Variants in LIPC observed in about 807,000 individuals in gnomAD.
LIPC encodes the protein lipase C, hepatic type, also known as hepatic triacylglycerol lipase.
In LIPC, 44 loss-of-function variants were observed where a neutral mutation model predicts 50.7. The observed-to-expected ratio is 0.87, with a 90% CI of 0.68 to 1.11. The LOEUF is 1.11. LIPC is among the 50% of genes most tolerant of loss of function. The probability of loss-of-function intolerance (pLI) is 0.00; values close to 1 mark genes in which losing one functional copy is unlikely to be tolerated. For synonymous variants in LIPC, 271 were observed against 256.4 expected (o/e 1.06, Z -0.54); for missense variants, 697 against 648.2 (o/e 1.08, Z -0.82).
chr15:58,480,608 T>C (rs11638256), intron 1 of LIPC, among the ~76,000 whole-genome samples: 18,913 of 152,288 alleles, frequency 0.12, 1,324 homozygotes, highest in East Asian at 0.17. Context: ...ATAAGTTTCA[T>C]TTAAAACAAG....
chr15:58,555,898 C>T (rs1216880982), intron 6 of LIPC, among the ~76,000 whole-genome samples: 5 of 152,154 alleles, frequency 3.3e-5, no homozygotes, highest in African/African-American at 1.2e-4. Flanking sequence ...CTCTCTTCTC[C>T]GCCCTGATCT....
intron 8 of LIPC, chr15:58,565,969 C>T: frequency 2.0e-6 from 2 of 984,102 alleles, no homozygotes; most frequent in Non-Finnish European, 2.4e-6. Context: ...ACTCCAGGAC[C>T]TAACCAGGAA....
intron 1 of LIPC, among the ~76,000 whole-genome samples, chr15:58,492,394 A>T (rs1242190930): frequency 1.2e-4 from 18 of 152,208 alleles, no homozygotes; most frequent in Admixed American, 1.2e-3. Flanking sequence ...TAATATAAAC[A>T]CATTATAAAG....
At chr15:58,505,786 G>A (rs188416921) in intron 1 of LIPC, among the ~76,000 whole-genome samples, 101 of 152,232 alleles carry the variant, frequency 6.6e-4, no homozygotes, top group African/African-American at 2.0e-3. Flanking sequence ...GTTCCCACCC[G>A]AGCCAACATT....
At chr15:58,501,585 C>T (rs1891986647) in intron 1 of LIPC, among the ~76,000 whole-genome samples, 1 of 152,042 alleles carries the variant, frequency 6.6e-6, no homozygotes, top group South Asian at 2.1e-4. Flanking sequence ...TAAGAACTTC[C>T]ATCAGCGCTG....
chr15:58,487,073 C>G (rs1207889988), intron 1 of LIPC, among the ~76,000 whole-genome samples: 1 of 152,162 alleles, frequency 6.6e-6, no homozygotes, highest in Admixed American at 6.5e-5. Flanking sequence ...TTTCATGCAA[C>G]CTGGTCCCTA....
intron 6 of LIPC, among the ~76,000 whole-genome samples, chr15:58,558,168 G>T (rs976996830): frequency 1.3e-5 from 2 of 151,942 alleles, no homozygotes; most frequent in Admixed American, 1.3e-4. Flanking sequence ...TGCCTCCTGG[G>T]TTCAAGCAAT....
chr15:58,564,039 C>T (rs1894270035), intron 8 of LIPC: 1 of 419,542 alleles, frequency 2.4e-6, no homozygotes, highest in African/African-American at 2.0e-5. Flanking sequence ...GGTGAATCAC[C>T]AGGTGATGTC....
chr15:58,488,871 T>C (rs371181578), intron 1 of LIPC, among the ~76,000 whole-genome samples: 119 of 152,286 alleles, frequency 7.8e-4, no homozygotes, highest in East Asian at 5.2e-3. Flanking sequence ...CATCTCAGGA[T>C]GGGAGAAAAA....
In LIPC at chr15:58,492,199, C is replaced by T. The variant is rs768292013; in HGVS notation, c.89-46134C>T. 7.2e-4 allele frequency among the ~76,000 whole-genome samples: 110 copies of T among 152,150 alleles called. 3 individuals are homozygous for T. The highest frequency in any genetic ancestry group is 3.2e-3 in the Middle Eastern group (1 of 316). On this transcript the variant is annotated intron_variant, in intron 1 of 8. Transcript: ENST00000299022. ...ACCCTGCCCTCAGTTCCTAGCAGAT[C>T]CTCAACTTGGCCTGCTTTGATGTTT...
intron 8 of LIPC, among the ~76,000 whole-genome samples, chr15:58,568,272 C>A (rs1381390973): frequency 6.6e-6 from 1 of 152,132 alleles, no homozygotes; most frequent in African/African-American, 2.4e-5. Context: ...TGCCAAGGAC[C>A]TTTAAGAACA....
chr15:58,474,834 C>T (rs1343296037), intron 1 of LIPC, among the ~76,000 whole-genome samples: 1 of 152,200 alleles, frequency 6.6e-6, no homozygotes, highest in Non-Finnish European at 1.5e-5. Flanking sequence ...CTCAAAGCTA[C>T]TCCTGCATGG....
At chr15:58,534,705 C>T (rs1221719043) in intron 1 of LIPC, among the ~76,000 whole-genome samples, 3 of 152,126 alleles carry the variant, frequency 2.0e-5, no homozygotes, top group Non-Finnish European at 2.9e-5. Flanking sequence ...TAACTGATCC[C>T]GCTTCCCTCT....
At chr15:58,491,921 GTC>G (rs1891599890) in intron 1 of LIPC, among the ~76,000 whole-genome samples, 2 of 152,188 alleles carry the variant, frequency 1.3e-5, no homozygotes, top group South Asian at 4.1e-4. Context: ...GAGGCTGGAG[GTC>G]TCTCTGCCCA....
chr15:58,515,993 T>C (rs113392249), intron 1 of LIPC, among the ~76,000 whole-genome samples: 1,530 of 152,314 alleles, frequency 0.01, 29 homozygotes, highest in African/African-American at 0.036. Context: ...AATCATCGTC[T>C]GACCACCACA....
chr15:58,514,020 T>C (rs1183158378), intron 1 of LIPC, among the ~76,000 whole-genome samples: 2 of 152,102 alleles, frequency 1.3e-5, no homozygotes, highest in African/African-American at 4.8e-5. Context: ...ATATGATGAG[T>C]GAAGCAATCA....
intron 1 of LIPC, among the ~76,000 whole-genome samples, chr15:58,484,892 T>C (rs2140785310): frequency 6.6e-6 from 1 of 152,140 alleles, no homozygotes. Context: ...GGGGAGGAAG[T>C]GGGTTGCAAG....
intron 5 of LIPC, 148 bp from the exon 6 acceptor site, chr15:58,548,182 T>C: frequency 3.0e-6 from 3 of 993,326 alleles, no homozygotes; most frequent in South Asian, 1.3e-5. Flanking sequence ...CATCCTGCTC[T>C]TGTCAAGGGG....
intron 1 of LIPC, among the ~76,000 whole-genome samples, chr15:58,485,935 G>A (rs1264441080): frequency 2.0e-5 from 3 of 152,182 alleles, no homozygotes; most frequent in African/African-American, 7.2e-5. Context: ...AGACTAAGAT[G>A]GCTAGAAAAT....
Sources: gnomAD v4.1 joint callset for allele counts (sites outside exome capture counted in the v4.1 genomes callset) on GRCh38, gnomAD v4.1.1 for gene constraint, MANE v1.5 for transcripts, NCBI Gene and HGNC (gene_info 2026-07-23, HGNC 2026-07-21) for gene names.